NEGR1: variants seen among roughly 807,000 people sequenced by gnomAD.
The protein encoded by NEGR1 is IgLON family member 4.
NEGR1 carries 10 observed loss-of-function variants against 40.9 expected under a neutral mutation model. The observed-to-expected ratio is 0.24, with a 90% CI of 0.15 to 0.42. The LOEUF is 0.42. Among genes scored for constraint, NEGR1 ranks in the 10% least tolerant of loss-of-function variants. The probability of loss-of-function intolerance (pLI) is 1.00; values close to 1 mark genes in which losing one functional copy is unlikely to be tolerated. For missense variants in NEGR1, 352 were observed against 438.9 expected, an observed-to-expected ratio of 0.80 and a Z score of 1.77; for synonymous variants, 185 against 166.8, an observed-to-expected ratio of 1.11 and a Z score of -0.84.
chr1:72,106,246 C>T (rs911055495), intron 1 of NEGR1, among the ~76,000 whole-genome samples: 2 of 152,036 alleles, frequency 1.3e-5, no homozygotes, highest in East Asian at 1.9e-4. Context: ...AGCTTGGTCT[C>T]ACTGGTATAT....
At chr1:71,601,196 T>C (rs1253894572) in intron 5 of NEGR1, among the ~76,000 whole-genome samples, 1 of 152,192 alleles carries the variant, frequency 6.6e-6, no homozygotes, top group Non-Finnish European at 1.5e-5. Context: ...ACATACAAGC[T>C]GCCAACAAGC....
At chr1:72,055,153 T>G (rs1647098940) in intron 1 of NEGR1, among the ~76,000 whole-genome samples, 2 of 151,162 alleles carry the variant, frequency 1.3e-5, no homozygotes. Context: ...TGATGCCAAA[T>G]ACTATATATT....
At chr1:72,195,733 T>C (rs1203374495) in intron 1 of NEGR1, among the ~76,000 whole-genome samples, 1 of 151,940 alleles carries the variant, frequency 6.6e-6, no homozygotes, top group African/African-American at 2.4e-5. Context: ...TTCCTGAAAG[T>C]ACAGACAGAT....
chr1:71,952,958 A>G (rs1394025163), intron 1 of NEGR1, among the ~76,000 whole-genome samples: 2 of 65,438 alleles, frequency 3.1e-5, no homozygotes, highest in Non-Finnish European at 5.6e-5. Flanking sequence ...ACTGCTCAGG[A>G]AAAAAAAAAA....
At chr1:71,819,100 C>T (rs1658330871) in intron 2 of NEGR1, among the ~76,000 whole-genome samples, 6 of 152,074 alleles carry the variant, frequency 3.9e-5, no homozygotes, top group Admixed American at 3.3e-4. Flanking sequence ...AATTCTGAAA[C>T]TAGGATGACT....
At chr1:72,091,905 G>A (rs1412347657) in intron 1 of NEGR1, among the ~76,000 whole-genome samples, 3 of 152,114 alleles carry the variant, frequency 2.0e-5, no homozygotes, top group Non-Finnish European at 4.4e-5. Context: ...TAACGTGTGT[G>A]TGTGTGTGTG....
chr1:72,193,097 G>A (rs1020586150), intron 1 of NEGR1, among the ~76,000 whole-genome samples: 2 of 151,586 alleles, frequency 1.3e-5, no homozygotes, highest in Non-Finnish European at 3.0e-5. Flanking sequence ...CTGCTCCTTG[G>A]ATAAAAGGAG....
intron 3 of NEGR1, among the ~76,000 whole-genome samples, chr1:71,710,025 T>A (rs1027940840): frequency 4.6e-5 from 7 of 151,716 alleles, no homozygotes; most frequent in African/African-American, 1.7e-4. Context: ...ATATAAGGAG[T>A]TCAAACAACT....
At chr1:71,585,163 C>A (rs1460126692) in intron 6 of NEGR1, among the ~76,000 whole-genome samples, 2 of 152,050 alleles carry the variant, frequency 1.3e-5, no homozygotes, top group African/African-American at 4.8e-5. Flanking sequence ...CAAAAATATA[C>A]AGAAGGTAAA....
At chr1:71,950,300 A>G (rs1228149578) in intron 1 of NEGR1, among the ~76,000 whole-genome samples, 1 of 151,992 alleles carries the variant, frequency 6.6e-6, no homozygotes. Flanking sequence ...AATCACTTTT[A>G]GTATAATTTG....
At chr1:71,469,919 A>C (rs1646770788) in intron 6 of NEGR1, among the ~76,000 whole-genome samples, 1 of 152,130 alleles carries the variant, frequency 6.6e-6, no homozygotes, top group Non-Finnish European at 1.5e-5. Context: ...CCCAACAAAG[A>C]GCAGATATGT....
chr1:72,179,395 G>C (rs1331522629), intron 1 of NEGR1, among the ~76,000 whole-genome samples: 1 of 151,854 alleles, frequency 6.6e-6, no homozygotes. Flanking sequence ...ATGCTGTTTT[G>C]AATGTTATTG....
intron 6 of NEGR1, among the ~76,000 whole-genome samples, chr1:71,539,167 G>C (rs1436361493): frequency 6.6e-6 from 1 of 151,698 alleles, no homozygotes; most frequent in Non-Finnish European, 1.5e-5. Flanking sequence ...CAACATTGTA[G>C]TGAGGTTAAA....
chr1:71,927,452 A>C (rs550765347), intron 2 of NEGR1, among the ~76,000 whole-genome samples: 1 of 152,254 alleles, frequency 6.6e-6, no homozygotes, highest in East Asian at 1.9e-4. Context: ...ATTTGGGAAA[A>C]CAACCTTGAT....
At chr1:71,417,635 A>G (rs1261891530) in intron 6 of NEGR1, among the ~76,000 whole-genome samples, 2 of 152,206 alleles carry the variant, frequency 1.3e-5, no homozygotes, top group Admixed American at 1.3e-4. Context: ...ATATTTCTTA[A>G]CAATCAAGCA....
At chr1:71,415,407 C>G (rs1410226231) in intron 6 of NEGR1, among the ~76,000 whole-genome samples, 1 of 151,988 alleles carries the variant, frequency 6.6e-6, no homozygotes, top group African/African-American at 2.4e-5. Context: ...GCTGAATAAC[C>G]ATTTTGCCAA....
At chr1:71,812,966 G>C (rs1274499761) in intron 2 of NEGR1, among the ~76,000 whole-genome samples, 3 of 151,974 alleles carry the variant, frequency 2.0e-5, no homozygotes, top group African/African-American at 7.3e-5. Context: ...TTTTGCTTTT[G>C]TCGCAATTGC....
At chr1:71,779,591 A>T (rs1234145424) in intron 2 of NEGR1, among the ~76,000 whole-genome samples, 5 of 151,510 alleles carry the variant, frequency 3.3e-5, no homozygotes, top group Admixed American at 2.6e-4. Flanking sequence ...TTTTTGACAG[A>T]GTCTCTCGCT....
At chr1:71,444,231 T>C (rs1476317900) in intron 6 of NEGR1, among the ~76,000 whole-genome samples, 2 of 152,142 alleles carry the variant, frequency 1.3e-5, no homozygotes, top group East Asian at 3.9e-4. Flanking sequence ...GACCAGAAAA[T>C]ATTTTTAAAA....
Sources: gnomAD v4.1 joint callset for allele counts (sites outside exome capture counted in the v4.1 genomes callset) on GRCh38, gnomAD v4.1.1 for gene constraint, MANE v1.5 for transcripts, NCBI Gene and HGNC (gene_info 2026-07-23, HGNC 2026-07-21) for gene names.